Variants in RFPL4A observed in about 807,000 individuals in gnomAD.
The protein encoded by RFPL4A is ret finger protein like 4A, also known as ret finger protein-like 4A.
Under a neutral mutation model 8.3 loss-of-function variants are expected in RFPL4A, and 4 were observed. The ratio of observed to expected loss-of-function variants is 0.48; its 90% CI spans 0.24 to 1.10. The LOEUF (loss-of-function observed/expected upper bound fraction) is 1.10. RFPL4A is among the 50% of genes least tolerant of loss of function. The pLI is 0.18. For missense variants in RFPL4A, 111 were observed against 358.7 expected, an observed-to-expected ratio of 0.31 and a Z score of 5.58; for synonymous variants, 43 against 136.6, an observed-to-expected ratio of 0.31 and a Z score of 4.78.
rs1046419798 is a variant in RFPL4A, at chr19:55,759,132, C to G, written c.-53C>G. ...GCTCTCACTCCAGATCTGAGCTGTC[C>G]GCAGAAGCAGCTGGAGGCCAGGGGA... is the stretch of plus-strand genomic sequence containing the variant. On this transcript the variant is annotated 5_prime_UTR_variant, in exon 1 of 3. Coordinates refer to ENST00000434937, the MANE Select transcript of RFPL4A (RefSeq NM_001145014.2). 13 of 150,316 alleles carry G rather than the reference C, an allele frequency of 8.6e-5. No homozygotes were observed. The highest frequency in any genetic ancestry group is 3.2e-4 in the African/African-American group (13 of 40,374). The allele number at this position is 150,316 out of a possible 1,614,324, so 9.3% of individuals were successfully genotyped here. A position where few individuals can be genotyped will look rare whatever the true frequency, so the allele number is the denominator to read the frequency against.
chr19:55,758,314 T>C (rs536527322), upstream of RFPL4A, among the ~76,000 whole-genome samples: 1 of 152,422 alleles, frequency 6.6e-6, no homozygotes, highest in South Asian at 2.1e-4. Context: ...TGGAGATGAT[T>C]AAATTAAAGA....
rs767475725 is a variant in RFPL4A, at chr19:55,761,382, T to C, written c.-9-410T>C. Among the ~76,000 whole-genome samples, 5 of 137,802 alleles carry C rather than the reference T, an allele frequency of 3.6e-5. 1 individual carries two copies. Among genetic ancestry groups the C allele is most frequent in the Admixed American group, 2.1e-4 (3 of 14,078 alleles). 90.4% of individuals were successfully genotyped at this position (137,802 alleles called of 152,430 possible). ...TTAACATGTGAGCAACTTTAAACGT[T>C]CTCAAGCAGATAGTTTACGTTCTCT... is the stretch of plus-strand genomic sequence containing the variant. On this transcript the variant is annotated intron_variant, in intron 1 of 2. Transcript: ENST00000434937.
chr19:55,761,023 G>T, intron 1 of RFPL4A, among the ~76,000 whole-genome samples: 1 of 139,270 alleles, frequency 7.2e-6, no homozygotes, highest in East Asian at 2.0e-4. Flanking sequence ...TATATATTTT[G>T]GATATTAATC....
chr19:55,763,214 T>G lies in RFPL4A; in HGVS notation c.*39T>G. ...CATAATCATCTTTAGGAAGTTTCAG[T>G]GCTCCCATAGCCATAGCTAAGAACT... On this transcript the variant is annotated 3_prime_UTR_variant, in exon 3 of 3. Transcript: ENST00000434937. 1 of 1,482,428 alleles carries G rather than the reference T, an allele frequency of 6.7e-7. No individual in the cohort carries two copies. The allele number at this position is 1,482,428 out of a possible 1,614,324, so 91.8% of individuals were successfully genotyped here.
In RFPL4A at chr19:55,759,135, A is replaced by G. The variant is rs1200836655; in HGVS notation, c.-50A>G. The stretch of plus-strand genomic sequence containing the variant: ...CTCACTCCAGATCTGAGCTGTCCGC[A>G]GAAGCAGCTGGAGGCCAGGGGAGAA... On this transcript the variant is annotated 5_prime_UTR_variant, in exon 1 of 3. Transcript: ENST00000434937. 2.0e-5 allele frequency: 3 copies of G among 151,158 alleles called. No homozygotes were observed. Among genetic ancestry groups the G allele is most frequent in the Non-Finnish European group, 4.5e-5 (3 of 66,970 alleles). The allele number at this position is 151,158 out of a possible 1,614,324, so 9.4% of individuals were successfully genotyped here.
intron 1 of RFPL4A, among the ~76,000 whole-genome samples, chr19:55,760,736 T>G (rs1209176121): frequency 6.6e-6 from 1 of 151,640 alleles, no homozygotes; most frequent in African/African-American, 2.4e-5. Flanking sequence ...CTTGTCCTTG[T>G]AATTTTAATG....
In RFPL4A at chr19:55,759,131, C is replaced by T. The variant is rs930212136; in HGVS notation, c.-54C>T. 6.7e-6 allele frequency: 1 copy of T among 150,370 alleles called. No homozygotes were observed. The highest frequency in any genetic ancestry group is 1.5e-5 in the Non-Finnish European group (1 of 66,588). The allele number at this position is 150,370 out of a possible 1,614,324, so 9.3% of individuals were successfully genotyped here. ...AGCTCTCACTCCAGATCTGAGCTGT[C>T]CGCAGAAGCAGCTGGAGGCCAGGGG... On this transcript the variant is annotated 5_prime_UTR_variant, in exon 1 of 3. Transcript: ENST00000434937.
intron 2 of RFPL4A, among the ~76,000 whole-genome samples, chr19:55,762,337 A>G (rs1381460541): frequency 6.6e-6 from 1 of 150,722 alleles, no homozygotes; most frequent in Admixed American, 6.6e-5. Flanking sequence ...GCTAATTTTC[A>G]TCAAATTATC....
chr19:55,759,667 C>G (rs1989243191), intron 1 of RFPL4A, among the ~76,000 whole-genome samples: 1 of 151,584 alleles, frequency 6.6e-6, no homozygotes, highest in African/African-American at 2.4e-5. Context: ...TGGGACCCAC[C>G]TCTTCCAGGA....
rs2169737 is a variant in RFPL4A at position 55,763,217 on chromosome 19, T to C, written c.*42T>C. 0.036 allele frequency: 46,730 copies of C among 1,284,138 alleles called. 1,571 individuals carry two copies. The highest frequency in any genetic ancestry group is 0.061 in the African/African-American group (3,078 of 50,658). The allele number at this position is 1,284,138 out of a possible 1,614,324, so 79.5% of individuals were successfully genotyped here. ...AATCATCTTTAGGAAGTTTCAGTGC[T>C]CCCATAGCCATAGCTAAGAACTTTT... On this transcript the variant is annotated 3_prime_UTR_variant, in exon 3 of 3. Transcript: ENST00000434937.
chr19:55,760,892 T>G (rs1989267460), intron 1 of RFPL4A, among the ~76,000 whole-genome samples: 1 of 151,438 alleles, frequency 6.6e-6, no homozygotes, highest in South Asian at 2.1e-4. Flanking sequence ...AGCTTGTTCC[T>G]CAGTACTTGC....
chr19:55,759,536 T>C (rs1989239858), intron 1 of RFPL4A, among the ~76,000 whole-genome samples: 1 of 150,584 alleles, frequency 6.6e-6, no homozygotes, highest in African/African-American at 2.5e-5. Flanking sequence ...CATTCTTCTC[T>C]TATTTTCTGA....
intron 1 of RFPL4A, among the ~76,000 whole-genome samples, chr19:55,760,018 G>GTC (rs1989250562): frequency 6.6e-6 from 1 of 151,652 alleles, no homozygotes; most frequent in East Asian, 2.0e-4. Context: ...GAGTGCAGAT[G>GTC]TCTCTTTGAC....
At position 55,761,271 on chromosome 19, in the gene RFPL4A, T is replaced by C. The variant is rs1405832065; in HGVS notation, c.-9-521T>C. 1.3e-4 allele frequency among the ~76,000 whole-genome samples: 18 copies of C among 138,672 alleles called. 1 individual carries two copies. The highest frequency in any genetic ancestry group is 4.7e-4 in the African/African-American group (18 of 37,998). 91.0% of individuals were successfully genotyped at this position (138,672 alleles called of 152,430 possible). A position where few individuals can be genotyped will look rare whatever the true frequency, so the allele number is the denominator to read the frequency against. ...CAATAGAAACATAAGATAACCCATA[T>C]ATGTAATGGTAAATTCAGTTTCTGG... On this transcript the variant is annotated intron_variant, in intron 1 of 2. Transcript: ENST00000434937.
rs373977760 is a variant in RFPL4A, at chr19:55,761,389, C to T, written c.-9-403C>T. Among the ~76,000 whole-genome samples the T allele has an allele frequency of 5.1e-4, 70 of 137,532 alleles. 5 individuals are homozygous for T. The South Asian group carries it at 0.016, about 32-fold the overall frequency. The allele number at this position is 137,532 out of a possible 152,430, so 90.2% of individuals were successfully genotyped here. A position where few individuals can be genotyped will look rare whatever the true frequency, so the allele number is the denominator to read the frequency against. On this transcript the variant is annotated intron_variant, in intron 1 of 2. Transcript: ENST00000434937. ...GTGAGCAACTTTAAACGTTCTCAAG[C>T]AGATAGTTTACGTTCTCTTTTCCCC... is the stretch of plus-strand genomic sequence containing the variant.
upstream of RFPL4A, among the ~76,000 whole-genome samples, chr19:55,757,450 G>A (rs890028922): frequency 2.0e-5 from 3 of 152,040 alleles, no homozygotes; most frequent in South Asian, 2.1e-4. Flanking sequence ...AACCATTTAC[G>A]TCAGCTTCTG....
At chr19:55,759,094 C>T (rs1989231760), upstream of RFPL4A, 1 of 143,362 alleles carries the variant, frequency 7.0e-6, no homozygotes, top group South Asian at 2.2e-4. Context: ...GGTATAAAAG[C>T]CCCTGGCAGG....
upstream of RFPL4A, among the ~76,000 whole-genome samples, chr19:55,757,808 C>A (rs1432321478): frequency 1.3e-5 from 2 of 151,582 alleles, no homozygotes; most frequent in African/African-American, 4.9e-5. Flanking sequence ...ATTAGAGAGG[C>A]AAATCAACCC....
chr19:55,763,166 G>C lies in RFPL4A; in HGVS notation c.855G>C (p.Glu285Asp). The change falls in exon 3 of 3, where the codon GAG becomes GAC. Residue 285 changes from glutamate to aspartate, a missense_variant. Coordinates refer to ENST00000434937, the MANE Select transcript of RFPL4A (RefSeq NM_001145014.2). ...PSAASAPVSS[E>D]GK ...CTGCCAGTGCCCCAGTTTCTTCTGA[G>C]GGAAAGTAAATAAACATTTGAACAT... The C allele has an allele frequency of 6.5e-7, 1 of 1,536,128 alleles. No homozygotes were observed. Among genetic ancestry groups the C allele is most frequent in the Non-Finnish European group, 8.7e-7 (1 of 1,144,418 alleles).
Sources: allele counts gnomAD v4.1 joint callset (sites outside exome capture counted in the v4.1 genomes callset), GRCh38; gene constraint gnomAD v4.1.1; transcripts MANE v1.5; gene names NCBI Gene and HGNC (gene_info 2026-07-23, HGNC 2026-07-21).